DLG2: variants seen among roughly 807,000 people sequenced by gnomAD.
DLG2 encodes disks large homolog 2.
In DLG2, 45 loss-of-function variants were observed where a neutral mutation model predicts 132.5. The observed-to-expected ratio is 0.34, with a 90% CI of 0.27 to 0.44. DLG2 has a LOEUF of 0.44. DLG2 is among the 20% of genes least tolerant of loss of function. The pLI is 1.00. For missense variants in DLG2, 1,045 were observed against 1,196.9 expected (o/e 0.87, Z 1.87); for synonymous variants, 424 against 419.6 (o/e 1.01, Z -0.13).
At chr11:84,027,528 T>C (rs955940528) in intron 11 of DLG2, among the ~76,000 whole-genome samples, 5 of 152,166 alleles carry the variant, frequency 3.3e-5, no homozygotes, top group African/African-American at 9.6e-5. Flanking sequence ...ATAGCTACCA[T>C]ATAATAAGCT....
intron 19 of DLG2, among the ~76,000 whole-genome samples, chr11:83,620,232 G>T (rs895532955): frequency 6.7e-5 from 10 of 148,900 alleles, no homozygotes. Context: ...AAAATACAAT[G>T]AAAGATACTA....
chr11:84,883,547 T>C (rs1362696364), intron 6 of DLG2, among the ~76,000 whole-genome samples: 1 of 152,054 alleles, frequency 6.6e-6, no homozygotes, highest in Non-Finnish European at 1.5e-5. Flanking sequence ...AAAAAAATAT[T>C]GTTCACATAT....
chr11:83,837,383 G>A lies in DLG2; in HGVS notation c.1566-3613C>T, dbSNP rs756245303. Among the ~76,000 whole-genome samples, 68 of 152,102 alleles carry A rather than the reference G, an allele frequency of 4.5e-4. 1 individual carries two copies. Among genetic ancestry groups the A allele is most frequent in the Non-Finnish European group, 8.1e-4 (55 of 68,008 alleles). On this transcript the variant is annotated intron_variant, in intron 16 of 27. Transcript: ENST00000376104. ...GTTCTGCCTATTTGCTGCCAGGTGGGGATGGAAATTCAGTTCTTGTTCTGT... is the reference window on the plus strand; with the variant it reads ...GTTCTGCCTATTTGCTGCCAGGTGGAGATGGAAATTCAGTTCTTGTTCTGT...
chr11:84,407,843 G>C (rs894563200), intron 7 of DLG2, among the ~76,000 whole-genome samples: 1 of 152,194 alleles, frequency 6.6e-6, no homozygotes, highest in Non-Finnish European at 1.5e-5. Context: ...GTCAAGAACT[G>C]TCCTTTCCCC....
At chr11:85,144,763 AT>A (rs2152437257) in intron 5 of DLG2, among the ~76,000 whole-genome samples, 1 of 151,962 alleles carries the variant, frequency 6.6e-6, no homozygotes, top group South Asian at 2.1e-4. Flanking sequence ...GTTTCTATAT[AT>A]TTTTATACTA....
intron 3 of DLG2, among the ~76,000 whole-genome samples, chr11:85,512,994 T>C (rs571229992): frequency 1.3e-5 from 2 of 152,198 alleles, no homozygotes; most frequent in African/African-American, 2.4e-5. Context: ...ATATACACCA[T>C]GGAATACTAC....
chr11:83,541,738 C>G lies in DLG2; in HGVS notation c.2061G>C (p.Arg687Ser). Residue 687 changes from arginine (R) to serine (S), a missense_variant, in exon 20 of 28, where the codon AGG becomes AGC. Arg to Ser is a moderately radical substitution (Grantham distance 110, BLOSUM62 -1). Transcript: ENST00000376104. ...NASDDEWWQA[R>S]RVMLEGDSEE... ...CACTGTCTCCCTCCAGCATGACTCT[C>G]CTGGCTTGCCACCACTCATCATCAG... is the stretch of plus-strand genomic sequence containing the variant. The G allele has an allele frequency of 6.2e-7, 1 of 1,613,268 alleles. No homozygotes were observed. The highest frequency in any genetic ancestry group is 1.3e-5 in the African/African-American group (1 of 74,970).
chr11:84,696,442 G>A (rs1474019817), intron 6 of DLG2, among the ~76,000 whole-genome samples: 1 of 151,492 alleles, frequency 6.6e-6, no homozygotes, highest in Non-Finnish European at 1.5e-5. Context: ...ACTCCAGAAT[G>A]TAGTTTCTTG....
At chr11:84,428,371 T>TA (rs2098973722) in intron 7 of DLG2, among the ~76,000 whole-genome samples, 2 of 152,146 alleles carry the variant, frequency 1.3e-5, no homozygotes, top group South Asian at 2.1e-4. Flanking sequence ...ATATCTACAA[T>TA]GGTGGGAGGT....
At chr11:84,949,143 G>A (rs1043383144) in intron 6 of DLG2, among the ~76,000 whole-genome samples, 8 of 152,108 alleles carry the variant, frequency 5.3e-5, no homozygotes, top group Non-Finnish European at 8.8e-5. Flanking sequence ...CTGGGCATCC[G>A]GGGGAGACAT....
chr11:85,087,716 T>G (rs1191291924), intron 6 of DLG2, among the ~76,000 whole-genome samples: 2 of 150,650 alleles, frequency 1.3e-5, no homozygotes, highest in Non-Finnish European at 3.0e-5. Context: ...CGGGCGCCTG[T>G]AGTCCCAGCT....
chr11:84,649,870 T>C (rs769721997), intron 6 of DLG2, among the ~76,000 whole-genome samples: 24 of 152,072 alleles, frequency 1.6e-4, no homozygotes, highest in Non-Finnish European at 2.6e-4. Flanking sequence ...CATCAACACA[T>C]CTCCAAACTC....
intron 6 of DLG2, among the ~76,000 whole-genome samples, chr11:84,868,163 A>T (rs924147879): frequency 6.8e-6 from 1 of 147,554 alleles, no homozygotes; most frequent in Non-Finnish European, 1.5e-5. Context: ...TTAATATATT[A>T]TATTATTATT....
intron 3 of DLG2, among the ~76,000 whole-genome samples, chr11:85,367,347 T>C (rs1166459188): frequency 3.9e-5 from 6 of 152,148 alleles, no homozygotes; most frequent in Admixed American, 3.3e-4. Flanking sequence ...ACTTAAACTT[T>C]CTCTACCTAA....
Position 83,459,547 on chromosome 11 carries a change from G to A in DLG2, c.*271C>T, listed in dbSNP as rs1328098872. On this transcript the variant is annotated 3_prime_UTR_variant, in exon 28 of 28. Coordinates refer to ENST00000376104, the MANE Select transcript of DLG2 (RefSeq NM_001142699.3). ...TGAGGAGGCTCTCATCTCATCTCTTGGGCAGAAAGCCCGTCAGAGGTTCAT... is the reference window on the plus strand; with the variant it reads ...TGAGGAGGCTCTCATCTCATCTCTTAGGCAGAAAGCCCGTCAGAGGTTCAT... 3.6e-6 allele frequency: 1 copy of A among 276,142 alleles called. No homozygotes were observed. Among genetic ancestry groups the A allele is most frequent in the Non-Finnish European group, 6.9e-6 (1 of 144,964 alleles). The allele number at this position is 276,142 out of a possible 1,614,324, so 17.1% of individuals were successfully genotyped here.
intron 15 of DLG2, among the ~76,000 whole-genome samples, chr11:83,918,804 CTG>C (rs2077357743): frequency 2.0e-5 from 3 of 151,548 alleles, no homozygotes; most frequent in Non-Finnish European, 1.5e-5. Context: ...AGACTCCCCT[CTG>C]TGAAGTCACA....
intron 19 of DLG2, among the ~76,000 whole-genome samples, chr11:83,629,706 T>C (rs1455721831): frequency 1.3e-5 from 2 of 152,118 alleles, no homozygotes; most frequent in Non-Finnish European, 2.9e-5. Context: ...GGGAAAAGGA[T>C]ATTTTAGAGT....
At chr11:85,239,436 T>C (rs1216233214) in intron 4 of DLG2, among the ~76,000 whole-genome samples, 1 of 152,108 alleles carries the variant, frequency 6.6e-6, no homozygotes, top group Non-Finnish European at 1.5e-5. Context: ...AGTATCTACA[T>C]ATACTTTATT....
intron 8 of DLG2, among the ~76,000 whole-genome samples, chr11:84,194,624 T>C (rs1566890733): frequency 6.6e-6 from 1 of 152,212 alleles, no homozygotes; most frequent in Admixed American, 6.5e-5. Context: ...TTGGTGCATT[T>C]ACAATCCCTG....
Sources: allele counts gnomAD v4.1 joint callset (sites outside exome capture counted in the v4.1 genomes callset), GRCh38; gene constraint gnomAD v4.1.1; transcripts MANE v1.5; gene names NCBI Gene and HGNC (gene_info 2026-07-23, HGNC 2026-07-21).